The following PRR11 variants were observed in gnomAD, a reference collection of about 807,000 sequenced individuals.
PRR11 encodes the protein proline-rich protein 11.
In PRR11, 30 loss-of-function variants were observed where a neutral mutation model predicts 45.6. That is an observed-to-expected ratio of 0.66 (90% CI 0.49 to 0.89). PRR11 has a LOEUF of 0.89. PRR11 is among the 40% of genes least tolerant of loss of function. The pLI, the probability that PRR11 is intolerant of heterozygous loss-of-function variation, is 0.00. For synonymous variants in PRR11, 128 were observed against 153.5 expected (o/e 0.83, Z 1.23); for missense variants, 373 against 424.8 (o/e 0.88, Z 1.07).
intron 4 of PRR11, among the ~76,000 whole-genome samples, chr17:59,187,618 A>C (rs984783596): frequency 1.3e-5 from 2 of 151,988 alleles, no homozygotes; most frequent in African/African-American, 4.8e-5. Context: ...TAATCCCAGC[A>C]CTTTGGGAGG....
At position 59,201,539 on chromosome 17, in the gene PRR11, A is replaced by T. The variant is rs757726629; in HGVS notation, c.1015-24A>T. 7 of 1,594,844 alleles carry T rather than the reference A, an allele frequency of 4.4e-6. No homozygotes were observed. The East Asian group carries it at 1.6e-4, about 36-fold the overall frequency. ...ATCACAGGAATATAATTGATATTAT[A>T]ATTGGGACTTTTTTTTTTTATAGCT... On this transcript the variant is annotated intron_variant, in intron 9 of 9. Coordinates refer to ENST00000262293, the MANE Select transcript of PRR11 (RefSeq NM_018304.4).
Position 59,167,702 on chromosome 17 carries a change from A to T in PRR11, c.-5-2046A>T, listed in dbSNP as rs577510638. 2.7e-4 allele frequency among the ~76,000 whole-genome samples: 41 copies of T among 152,282 alleles called. 1 individual carries two copies. The South Asian group carries it at 8.3e-3, about 31-fold the overall frequency. On this transcript the variant is annotated intron_variant, in intron 1 of 9. Coordinates refer to ENST00000262293, the MANE Select transcript of PRR11 (RefSeq NM_018304.4). ...TGAGGGTTCCTTCCCTTTTTAGACT[A>T]TATAGGGTAACTTCCAGACATTACC...
chr17:59,166,235 G>A lies in PRR11; in HGVS notation c.-5-3513G>A, dbSNP rs539786145. 2.8e-4 allele frequency among the ~76,000 whole-genome samples: 43 copies of A among 152,312 alleles called. No individual in the cohort carries two copies. In the South Asian group the frequency reaches 3.5e-3, roughly 12 times the overall value. Reference sequence around the variant, plus strand: ...CTGAGTGAACAAAAGTGGAATGAATGTGTATTTTAAAGGCCAATTGTTCCC... The same window carrying A: ...CTGAGTGAACAAAAGTGGAATGAATATGTATTTTAAAGGCCAATTGTTCCC... On this transcript the variant is annotated intron_variant, in intron 1 of 9. Transcript: ENST00000262293.
intron 5 of PRR11, among the ~76,000 whole-genome samples, chr17:59,194,327 G>T (rs1468921886): frequency 6.7e-6 from 1 of 148,542 alleles, no homozygotes; most frequent in East Asian, 2.0e-4. Flanking sequence ...GGAGCCTATT[G>T]TTATATTTGC....
intron 1 of PRR11, among the ~76,000 whole-genome samples, chr17:59,160,377 T>G (rs189634300): frequency 3.4e-4 from 52 of 152,320 alleles, no homozygotes; most frequent in African/African-American, 9.9e-4. Flanking sequence ...TGTTTGTTTG[T>G]TTGGTTGGTT....
chr17:59,190,126 T>C (rs1462871410), intron 4 of PRR11, among the ~76,000 whole-genome samples: 1 of 152,232 alleles, frequency 6.6e-6, no homozygotes, highest in Non-Finnish European at 1.5e-5. Context: ...GCTCTCCTTA[T>C]ATTTTAACCC....
At chr17:59,175,501 C>A (rs576256763) in intron 2 of PRR11, among the ~76,000 whole-genome samples, 1 of 152,146 alleles carries the variant, frequency 6.6e-6, no homozygotes, top group Non-Finnish European at 1.5e-5. Flanking sequence ...GTGGCTCATG[C>A]CTGTAATCCC....
rs545450518 is a variant in PRR11, at chr17:59,194,065, A to T, written c.645+331A>T. On this transcript the variant is annotated intron_variant, in intron 5 of 9. Transcript: ENST00000262293. ...AGAAGATTGCTTAGAGAGTAAAGTC[A>T]GAACAAAGAGTTAGTGGATTCCAAA... 4.6e-5 allele frequency among the ~76,000 whole-genome samples: 7 copies of T among 152,334 alleles called. No individual in the cohort carries two copies. The East Asian group carries it at 1.3e-3, about 29-fold the overall frequency.
intron 3 of PRR11, 44 bp downstream of exon 3, chr17:59,185,248 C>A: frequency 6.2e-7 from 1 of 1,604,038 alleles, no homozygotes. Flanking sequence ...AGTTTTTCTA[C>A]ACACTTGGTG....
Position 59,157,507 on chromosome 17 carries a change from G to A in PRR11, c.-6+1702G>A, listed in dbSNP as rs545069473. On this transcript the variant is annotated intron_variant, in intron 1 of 9. Transcript: ENST00000262293. ...ACTTGAGGTAAGGAGTTCAAGACCA[G>A]CCTGGCCAACATGGCAAAATCCCAT... 3.9e-5 allele frequency among the ~76,000 whole-genome samples: 6 copies of A among 152,252 alleles called. No individual in the cohort carries two copies. The East Asian group carries it at 1.2e-3, about 29-fold the overall frequency.
intron 6 of PRR11, 58 bp downstream of exon 6, chr17:59,194,913 C>A: frequency 1.4e-6 from 2 of 1,415,170 alleles, no homozygotes; most frequent in Non-Finnish European, 2.0e-6. Flanking sequence ...TAGGCTCATG[C>A]CTATAATCCC....
At position 59,181,480 on chromosome 17, in the gene PRR11, A is replaced by G. The variant is rs2046786308; in HGVS notation, c.129-3574A>G. 4 of 1,101,850 alleles carry G rather than the reference A, an allele frequency of 3.6e-6. No homozygotes were observed. The African/African-American group carries it at 4.7e-5, about 13-fold the overall frequency. 68.3% of individuals were successfully genotyped at this position (1,101,850 alleles called of 1,614,324 possible). A position where few individuals can be genotyped will look rare whatever the true frequency, so the allele number is the denominator to read the frequency against. On this transcript the variant is annotated intron_variant, in intron 2 of 9. Transcript: ENST00000262293. ...TTTTCCTCGTTTTTAAAAGAACAGG[A>G]TTGGAGGTGCTCTCTGGGGTGTCCT...
intron 9 of PRR11, among the ~76,000 whole-genome samples, chr17:59,198,306 G>A (rs571520176): frequency 1.3e-4 from 20 of 152,184 alleles, no homozygotes; most frequent in African/African-American, 4.1e-4. Flanking sequence ...TTGGGAGGCC[G>A]AGGTGGGCAG....
intron 1 of PRR11, among the ~76,000 whole-genome samples, chr17:59,156,736 C>T (rs150667043): frequency 1.1e-3 from 165 of 152,026 alleles, no homozygotes; most frequent in African/African-American, 3.5e-3. Flanking sequence ...TCTCGGCCCA[C>T]TACAACCTCA....
At chr17:59,156,334 A>T (rs1475015812) in intron 1 of PRR11, among the ~76,000 whole-genome samples, 2 of 152,084 alleles carry the variant, frequency 1.3e-5, no homozygotes, top group Non-Finnish European at 2.9e-5. Context: ...AGTGCCTAAT[A>T]CTGTGCGGGA....
chr17:59,158,819 A>G (rs1043681737), intron 1 of PRR11, among the ~76,000 whole-genome samples: 1 of 152,148 alleles, frequency 6.6e-6, no homozygotes, highest in Non-Finnish European at 1.5e-5. Flanking sequence ...AATCAGAGAA[A>G]TATTTCTGAT....
At chr17:59,165,087 C>G (rs2046672900) in intron 1 of PRR11, among the ~76,000 whole-genome samples, 1 of 151,828 alleles carries the variant, frequency 6.6e-6, no homozygotes, top group African/African-American at 2.4e-5. Flanking sequence ...GTGGCTCAGT[C>G]TCGGCTCACT....
chr17:59,165,226 T>A (rs1214817368), intron 1 of PRR11, among the ~76,000 whole-genome samples: 6 of 151,826 alleles, frequency 4.0e-5, no homozygotes, highest in Non-Finnish European at 7.4e-5. Flanking sequence ...TTCACCATGT[T>A]AGCCAGGATG....
chr17:59,157,272 C>T (rs1410813768), intron 1 of PRR11, among the ~76,000 whole-genome samples: 1 of 152,136 alleles, frequency 6.6e-6, no homozygotes, highest in African/African-American at 2.4e-5. Flanking sequence ...ATTTGTCACA[C>T]CCTTGAAAAG....
Sources: allele counts gnomAD v4.1 joint callset (sites outside exome capture counted in the v4.1 genomes callset), GRCh38; gene constraint gnomAD v4.1.1; transcripts MANE v1.5; gene names NCBI Gene and HGNC (gene_info 2026-07-23, HGNC 2026-07-21).